PLCB1: variants seen among roughly 807,000 people sequenced by gnomAD.
The protein encoded by PLCB1 is 1-phosphatidylinositol 4,5-bisphosphate phosphodiesterase beta-1.
A neutral mutation model predicts 161.8 loss-of-function variants in PLCB1; 46 were observed. That is an observed-to-expected ratio of 0.28 (90% CI 0.22 to 0.36). The LOEUF is 0.36. Among genes scored for constraint, PLCB1 ranks in the 10% least tolerant of loss-of-function variants. The pLI, the probability that PLCB1 is intolerant of heterozygous loss-of-function variation, is 1.00. For missense variants in PLCB1, 1,016 were observed against 1,472.5 expected (o/e 0.69, Z 5.07); for synonymous variants, 517 against 503.7 (o/e 1.03, Z -0.35).
At chr20:8,515,655 C>A (rs1044540630) in intron 3 of PLCB1, among the ~76,000 whole-genome samples, 4 of 152,130 alleles carry the variant, frequency 2.6e-5, no homozygotes, top group East Asian at 3.9e-4. Flanking sequence ...TCTGGTTGTG[C>A]ATGGCTTTGA....
chr20:8,548,788 C>T (rs1294076659), intron 3 of PLCB1, among the ~76,000 whole-genome samples: 1 of 152,068 alleles, frequency 6.6e-6, no homozygotes, highest in Non-Finnish European at 1.5e-5. Flanking sequence ...TCAAGCCTAA[C>T]TTTGTGTCTG....
intron 2 of PLCB1, chr20:8,249,856 G>C (rs778480749): frequency 4.0e-5 from 6 of 151,884 alleles, no homozygotes; most frequent in African/African-American, 1.4e-4. Context: ...CCATTTCTCT[G>C]ATGTGACTGA....
At position 8,671,493 on chromosome 20, in the gene PLCB1, G is replaced by A. The variant is rs576230124; in HGVS notation, c.862+12789G>A. Reference sequence around the variant, plus strand: ...CAGAGATTAGAATGTAAATTAAGTCGGGAAAAGAATTTGGACCTTGATAGA... The same window carrying A: ...CAGAGATTAGAATGTAAATTAAGTCAGGAAAAGAATTTGGACCTTGATAGA... On this transcript the variant is annotated intron_variant, in intron 9 of 31. Coordinates refer to ENST00000338037, the MANE Select transcript of PLCB1 (RefSeq NM_015192.4). 2.6e-5 allele frequency among the ~76,000 whole-genome samples: 4 copies of A among 152,188 alleles called. No individual in the cohort carries two copies. In the South Asian group the frequency reaches 6.3e-4, roughly 24 times the overall value.
chr20:8,820,180 G>T (rs1398227533), intron 31 of PLCB1, among the ~76,000 whole-genome samples: 1 of 147,002 alleles, frequency 6.8e-6, no homozygotes, highest in Non-Finnish European at 1.5e-5. Flanking sequence ...CAGATACAGA[G>T]AACCCATGGA....
At position 8,643,942 on chromosome 20, in the gene PLCB1, G is replaced by A. The variant is rs1291587346; in HGVS notation, c.385-2160G>A. Among the ~76,000 whole-genome samples the A allele has an allele frequency of 2.7e-4, 41 of 152,292 alleles. No homozygotes were observed. The South Asian group carries it at 3.3e-3, about 12-fold the overall frequency. ...GCCCAGTGCCTGCGATTGCAGGCGC[G>A]CGCCGCCACGCCTGACTGGTTTTCG... On this transcript the variant is annotated intron_variant, in intron 4 of 31. Transcript: ENST00000338037.
At chr20:8,136,470 CA>C (rs1254081690) in intron 1 of PLCB1, among the ~76,000 whole-genome samples, 11 of 151,852 alleles carry the variant, frequency 7.2e-5, no homozygotes, top group Non-Finnish European at 1.5e-4. Context: ...ACTAAAAATA[CA>C]AAAAATTAGC....
At chr20:8,214,007 A>G (rs1978980294) in intron 2 of PLCB1, among the ~76,000 whole-genome samples, 1 of 152,070 alleles carries the variant, frequency 6.6e-6, no homozygotes, top group Admixed American at 6.6e-5. Context: ...TAAATATTAG[A>G]CCAAAGCAGG....
intron 12 of PLCB1, among the ~76,000 whole-genome samples, chr20:8,713,701 C>A (rs981643272): frequency 6.6e-6 from 1 of 152,130 alleles, no homozygotes; most frequent in Non-Finnish European, 1.5e-5. Flanking sequence ...GGTTTATTAA[C>A]CACCTGCATC....
At chr20:8,176,869 G>C (rs6133550) in intron 2 of PLCB1, among the ~76,000 whole-genome samples, 2,985 of 152,082 alleles carry the variant, frequency 0.02, 198 homozygotes, top group East Asian at 0.15. Context: ...TAGTGCCTGA[G>C]GACTCTCAGT....
chr20:8,873,481 A>G (rs1413829746), intron 31 of PLCB1, among the ~76,000 whole-genome samples: 4 of 152,026 alleles, frequency 2.6e-5, no homozygotes, highest in South Asian at 4.1e-4. Flanking sequence ...TCTTTTTTGT[A>G]TTTTATAGAA....
chr20:8,549,169 A>G (rs532019538), intron 3 of PLCB1, among the ~76,000 whole-genome samples: 57 of 152,288 alleles, frequency 3.7e-4, no homozygotes, highest in African/African-American at 1.3e-3. Flanking sequence ...TAAAATTTTA[A>G]AGAAGAATAA....
At chr20:8,765,822 G>T (rs1049360403) in intron 26 of PLCB1, among the ~76,000 whole-genome samples, 3 of 152,074 alleles carry the variant, frequency 2.0e-5, no homozygotes, top group African/African-American at 7.2e-5. Context: ...CAAGAAGCTG[G>T]GATTACGCCA....
chr20:8,456,289 T>C (rs1032490502), intron 3 of PLCB1, among the ~76,000 whole-genome samples: 7 of 152,218 alleles, frequency 4.6e-5, no homozygotes, highest in Non-Finnish European at 8.8e-5. Flanking sequence ...AGAGATGATA[T>C]AGGCATGAGC....
intron 31 of PLCB1, among the ~76,000 whole-genome samples, chr20:8,865,172 G>A (rs1987384979): frequency 6.6e-6 from 1 of 152,096 alleles, no homozygotes; most frequent in South Asian, 2.1e-4. Context: ...CACTTTCCTT[G>A]TAGAGGAGAA....
At chr20:8,658,437 C>G in intron 8 of PLCB1, 101 bp from the exon 9 acceptor site, 1 of 902,238 alleles carries the variant, frequency 1.1e-6, no homozygotes, top group African/African-American at 1.7e-5. Flanking sequence ...ATAGCATTTT[C>G]TTATCAAGTA....
intron 27 of PLCB1, among the ~76,000 whole-genome samples, chr20:8,788,186 A>G (rs1983580303): frequency 6.6e-6 from 1 of 152,222 alleles, no homozygotes; most frequent in South Asian, 2.1e-4. Context: ...GAGCTGGGCT[A>G]TAATAACTGC....
At chr20:8,783,021 T>C (rs1983314795) in intron 27 of PLCB1, among the ~76,000 whole-genome samples, 1 of 152,196 alleles carries the variant, frequency 6.6e-6, no homozygotes, top group South Asian at 2.1e-4. Context: ...AAGTGAAATT[T>C]AGCAGAGTTG....
chr20:8,749,607 T>C (rs1981348565), intron 23 of PLCB1, among the ~76,000 whole-genome samples: 1 of 152,216 alleles, frequency 6.6e-6, no homozygotes, highest in Admixed American at 6.5e-5. Context: ...TTGTAAACTG[T>C]ATCAAAACAC....
At chr20:8,489,264 T>G (rs1304260424) in intron 3 of PLCB1, among the ~76,000 whole-genome samples, 1 of 152,024 alleles carries the variant, frequency 6.6e-6, no homozygotes, top group Non-Finnish European at 1.5e-5. Context: ...TAGAGGATGG[T>G]GTATTTGCGT....
Sources: gnomAD v4.1 joint callset for allele counts (sites outside exome capture counted in the v4.1 genomes callset) on GRCh38, gnomAD v4.1.1 for gene constraint, MANE v1.5 for transcripts, NCBI Gene and HGNC (gene_info 2026-07-23, HGNC 2026-07-21) for gene names.